The following SPOCK2 variants were observed in gnomAD, a reference collection of about 807,000 sequenced individuals.
SPOCK2 encodes the protein SPARC (osteonectin), cwcv and kazal like domains proteoglycan 2, also known as testican-2.
A neutral mutation model predicts 60.1 loss-of-function variants in SPOCK2; 39 were observed. The ratio of observed to expected loss-of-function variants is 0.65; its 90% confidence interval spans 0.50 to 0.85. The LOEUF is 0.85. Among genes scored for constraint, SPOCK2 ranks in the 40% least tolerant of loss-of-function variants. The probability of loss-of-function intolerance (pLI) is 0.00; values close to 1 mark genes in which losing one functional copy is unlikely to be tolerated. For synonymous variants in SPOCK2, 217 were observed against 231.5 expected, an observed-to-expected ratio of 0.94 and a Z score of 0.57; for missense variants, 523 against 567.4, an observed-to-expected ratio of 0.92 and a Z score of 0.80.
chr10:72,083,550 C>T (rs542830433), intron 1 of SPOCK2, among the ~76,000 whole-genome samples: 1 of 152,296 alleles, frequency 6.6e-6, no homozygotes, highest in South Asian at 2.1e-4. Context: ...GAGAAGGGGA[C>T]GGGAGGGTGC....
At chr10:72,076,175 T>G (rs571513712) in intron 1 of SPOCK2, among the ~76,000 whole-genome samples, 74 of 152,100 alleles carry the variant, frequency 4.9e-4, no homozygotes, top group African/African-American at 1.7e-3. Context: ...GGAGGTCTTG[T>G]GGGGAGGAAT....
At chr10:72,064,361 ACACGGGGTCACCC>A in intron 8 of SPOCK2, 121 bp from the exon 9 acceptor site, 1 of 1,095,936 alleles carries the variant, frequency 9.1e-7, no homozygotes, top group Non-Finnish European at 1.2e-6. Context: ...CCCGTTTCTG[ACACGGGGTCACCC>A]CACAGCAGGG....
At chr10:72,088,083 G>T in intron 1 of SPOCK2, 57 bp downstream of exon 1, 1 of 1,592,656 alleles carries the variant, frequency 6.3e-7, no homozygotes, top group East Asian at 2.3e-5. Flanking sequence ...AGACCCCGGA[G>T]CTCAATCCCC....
intron 1 of SPOCK2, among the ~76,000 whole-genome samples, chr10:72,078,925 T>C (rs542300772): frequency 3.7e-4 from 56 of 152,334 alleles, no homozygotes; most frequent in Non-Finnish European, 7.3e-4. Flanking sequence ...GCAGAGACCA[T>C]GTAAATTTCT....
Position 72,062,921 on chromosome 10 carries a change from G to C in SPOCK2, c.1130-16C>G. The C allele has an allele frequency of 6.3e-7, 1 of 1,596,212 alleles. No individual in the cohort carries two copies. The highest frequency in any genetic ancestry group is 1.1e-5 in the South Asian group (1 of 89,062). On this transcript the variant is annotated splice_polypyrimidine_tract_variant and intron_variant, in intron 10 of 10. Coordinates refer to ENST00000373109, the MANE Select transcript of SPOCK2 (RefSeq NM_001244950.2). This position sits in a 1 kb window ranked among gnomAD's most constrained non-coding sequence, Gnocchi z 4.3. ...ACGATGTCATCTGTGAGGGGATCAA[G>C]CCAACAGGGGGTGAGGGAGCTTCTG...
Position 72,088,348 on chromosome 10 carries a change from G to T in SPOCK2, c.-20C>A, listed in dbSNP as rs562240063. ...GCGCATCGTGGTCTGGGTTCGACCT[G>T]GGGGGGTCTTGACTTCTGCAGTATT... is the stretch of plus-strand genomic sequence containing the variant. On this transcript the variant is annotated 5_prime_UTR_variant, in exon 1 of 11. Coordinates refer to ENST00000373109, the MANE Select transcript of SPOCK2 (RefSeq NM_001244950.2). 2.7e-3 allele frequency: 1,217 copies of T among 447,918 alleles called. 5 individuals carry two copies. In the African/African-American group the frequency reaches 0.23, roughly 86 times the overall value. The allele number at this position is 447,918 out of a possible 1,614,324, so 27.7% of individuals were successfully genotyped here. A position where few individuals can be genotyped will look rare whatever the true frequency, so the allele number is the denominator to read the frequency against.
In SPOCK2 at chr10:72,062,794, G is replaced by A; in HGVS notation, c.1241C>T (p.Ala414Val). ...GTAGCCCCCGTCGTCAGCCTCGCCT[G>A]CCTCGCCCTCCTCCTCCTCGGCCTC... ...GEEAEEEEGE[A>V]GEADDGGYIW is the part of the protein sequence containing the mutation. The change falls in exon 11 of 11, where the codon GCA (alanine) becomes GTA (valine). Residue 414 changes from alanine (A) to valine (V), a missense_variant. Coordinates refer to ENST00000373109, the MANE Select transcript of SPOCK2 (RefSeq NM_001244950.2). The surrounding 1 kb of genome is among the most constrained non-coding windows in gnomAD (Gnocchi z 4.3). 6.2e-7 allele frequency: 1 copy of A among 1,609,230 alleles called. No homozygotes were observed. Among genetic ancestry groups the A allele is most frequent in the Non-Finnish European group, 8.5e-7 (1 of 1,179,818 alleles).
intron 1 of SPOCK2, chr10:72,086,847 C>G (rs1840862765): frequency 6.5e-7 from 1 of 1,546,970 alleles, no homozygotes; most frequent in Non-Finnish European, 8.7e-7. Context: ...ATCTCTGCCT[C>G]TTCCCATCAC....
intron 5 of SPOCK2, chr10:72,069,248 C>T: frequency 6.5e-6 from 1 of 153,372 alleles, no homozygotes; most frequent in Non-Finnish European, 1.5e-5. Context: ...CTTGCTCATT[C>T]TCTCTCTCCT....
intron 1 of SPOCK2, among the ~76,000 whole-genome samples, chr10:72,077,933 C>T (rs1219964556): frequency 1.3e-5 from 2 of 152,230 alleles, no homozygotes; most frequent in African/African-American, 4.8e-5. Context: ...CTCCCTCCTC[C>T]CACTGTCTTC....
intron 1 of SPOCK2, among the ~76,000 whole-genome samples, chr10:72,080,028 G>A (rs1293136662): frequency 2.0e-5 from 3 of 152,076 alleles, no homozygotes; most frequent in Admixed American, 6.5e-5. Context: ...ACTTTCAAAA[G>A]ACACAAGACA....
At chr10:72,066,693 G>T (rs899623371) in intron 8 of SPOCK2, among the ~76,000 whole-genome samples, 6 of 152,156 alleles carry the variant, frequency 3.9e-5, no homozygotes, top group African/African-American at 1.4e-4. Flanking sequence ...CCGCCTGGGA[G>T]CCTGCCAAGG....
upstream of SPOCK2, chr10:72,088,621 TAAA>T (rs34679894): frequency 6.4e-3 from 1,160 of 181,330 alleles, no homozygotes; most frequent in Middle Eastern, 0.023. Flanking sequence ...ATACCTGGTT[TAAA>T]AAAAAAAAAA....
chr10:72,087,329 G>A lies in SPOCK2; in HGVS notation c.189+811C>T, dbSNP rs565875371. Among the ~76,000 whole-genome samples, 1 of 151,924 alleles carries A rather than the reference G, an allele frequency of 6.6e-6. No homozygotes were observed. Among genetic ancestry groups the A allele is most frequent in the Non-Finnish European group, 1.5e-5 (1 of 67,960 alleles). On this transcript the variant is annotated intron_variant, in intron 1 of 10. Transcript: ENST00000373109. The surrounding 1 kb of genome is among the most constrained non-coding windows in gnomAD (Gnocchi z 4.7). ...CCCGCGGAGTTCGGCCCAAGGTTAC[G>A]CCGGGGTTCGGGCGGCGCCCGCCGG... is the stretch of plus-strand genomic sequence containing the variant.
At chr10:72,086,544 G>C in intron 1 of SPOCK2, 1 of 1,140,874 alleles carries the variant, frequency 8.8e-7, no homozygotes, top group African/African-American at 1.7e-5. Flanking sequence ...CCGGCCTGCT[G>C]CCGCCCCCTC....
intron 1 of SPOCK2, among the ~76,000 whole-genome samples, chr10:72,083,678 G>A (rs1840818025): frequency 6.6e-6 from 1 of 152,192 alleles, no homozygotes; most frequent in Non-Finnish European, 1.5e-5. Context: ...GGGTGTTCAA[G>A]AGCCCATCAC....
In SPOCK2 at chr10:72,067,749, A is replaced by C. The variant is rs1370702592; in HGVS notation, c.590-17T>G. The C allele has an allele frequency of 6.2e-7, 1 of 1,611,292 alleles. No individual in the cohort carries two copies. Among genetic ancestry groups the C allele is most frequent in the South Asian group, 1.1e-5 (1 of 90,648 alleles). On this transcript the variant is annotated splice_polypyrimidine_tract_variant and intron_variant, in intron 6 of 10. Transcript: ENST00000373109. Reference sequence around the variant, plus strand: ...TGCAAGTCTCTGCAGAACAGAGAGAAGGCATGGAGGGCGAATGTGCAGTGG... The same window carrying C: ...TGCAAGTCTCTGCAGAACAGAGAGACGGCATGGAGGGCGAATGTGCAGTGG...
Position 72,063,115 on chromosome 10 carries a change from G to T in SPOCK2, c.1039C>A (p.Gln347Lys). The change falls in exon 10 of 11, where the codon CAG becomes AAG. Residue 347 changes from glutamine (Q) to lysine (K), a missense_variant. Coordinates refer to ENST00000373109, the MANE Select transcript of SPOCK2 (RefSeq NM_001244950.2). ...CDEDGYYRKM[Q>K]CDQSSGDCWC... is the part of the protein sequence containing the mutation. The stretch of plus-strand genomic sequence containing the variant: ...CAGTCACCGCTGCTCTGGTCACACT[G>T]CATCTTCCGGTAGTAGCCATCCTCG... The T allele has an allele frequency of 6.4e-7, 1 of 1,556,130 alleles. No homozygotes were observed. The highest frequency in any genetic ancestry group is 1.4e-5 in the African/African-American group (1 of 73,350).
intron 6 of SPOCK2, 120 bp from the exon 7 acceptor site, chr10:72,067,852 G>T: frequency 6.9e-7 from 1 of 1,453,884 alleles, no homozygotes. Context: ...GGCAGCAGCA[G>T]AAGGGAAGGT....
Sources: allele counts gnomAD v4.1 joint callset (sites outside exome capture counted in the v4.1 genomes callset), GRCh38; gene constraint gnomAD v4.1.1; non-coding constraint Gnocchi (gnomAD v3.1); transcripts MANE v1.5; gene names NCBI Gene and HGNC (gene_info 2026-07-23, HGNC 2026-07-21).